The following ARSB variants were observed in gnomAD, a reference collection of about 807,000 sequenced individuals.
ARSB encodes the protein N-acetylgalactosamine-4-sulfatase.
In ARSB, 41 loss-of-function variants were observed where a neutral mutation model predicts 50.9. That is an observed-to-expected ratio of 0.81 (90% CI 0.63 to 1.04). The LOEUF (loss-of-function observed/expected upper bound fraction) is 1.04. ARSB is among the 50% of genes least tolerant of loss of function. The pLI, the probability that ARSB is intolerant of heterozygous loss-of-function variation, is 0.00. For missense variants in ARSB, 672 were observed against 693.3 expected, an observed-to-expected ratio of 0.97 and a Z score of 0.35; for synonymous variants, 269 against 284.8, an observed-to-expected ratio of 0.94 and a Z score of 0.56.
chr5:78,844,796 T>C (rs768015191), intron 5 of ARSB, among the ~76,000 whole-genome samples: 4 of 152,138 alleles, frequency 2.6e-5, no homozygotes, highest in African/African-American at 9.7e-5. Flanking sequence ...CTAGAGTATA[T>C]TTCAATATAT....
upstream of ARSB, chr5:78,985,643 C>G (rs1753155848): frequency 6.4e-6 from 1 of 157,204 alleles, no homozygotes; most frequent in African/African-American, 2.4e-5. Context: ...AAGCCTGCAA[C>G]AACTCTGACA....
chr5:78,804,383 A>C (rs1206287843), intron 6 of ARSB, among the ~76,000 whole-genome samples: 1 of 152,166 alleles, frequency 6.6e-6, no homozygotes, highest in East Asian at 1.9e-4. Context: ...TACTTGGTCA[A>C]TGTCATCACA....
At chr5:78,792,410 G>A (rs1322422665) in intron 6 of ARSB, among the ~76,000 whole-genome samples, 2 of 151,824 alleles carry the variant, frequency 1.3e-5, no homozygotes, top group Non-Finnish European at 2.9e-5. Flanking sequence ...CGCATTCAAG[G>A]CCATCCTGGG....
chr5:78,858,999 T>C (rs574150519), intron 5 of ARSB, among the ~76,000 whole-genome samples: 4 of 152,336 alleles, frequency 2.6e-5, no homozygotes, highest in East Asian at 1.9e-4. Flanking sequence ...AAGTAATTAA[T>C]GGAGGAGACA....
At chr5:78,860,589 C>T (rs55831507) in intron 5 of ARSB, among the ~76,000 whole-genome samples, 19,321 of 152,138 alleles carry the variant, frequency 0.13, 1,424 homozygotes, top group Middle Eastern at 0.21. Flanking sequence ...CATACCAGAA[C>T]CTCTGGGACA....
At chr5:78,974,651 T>C (rs949696706) in intron 1 of ARSB, among the ~76,000 whole-genome samples, 5 of 152,262 alleles carry the variant, frequency 3.3e-5, no homozygotes, top group Non-Finnish European at 7.3e-5. Context: ...ACTGGTCATA[T>C]TCCACTTAGC....
chr5:78,869,069 C>G (rs1349390497), intron 5 of ARSB, among the ~76,000 whole-genome samples: 2 of 149,664 alleles, frequency 1.3e-5, no homozygotes, highest in African/African-American at 5.0e-5. Flanking sequence ...ACAAAGAAGG[C>G]CATTACATAC....
intron 4 of ARSB, among the ~76,000 whole-genome samples, chr5:78,942,752 T>C (rs918865049): frequency 6.6e-6 from 1 of 152,216 alleles, no homozygotes; most frequent in African/African-American, 2.4e-5. Context: ...AGAATGTATA[T>C]TCTGTTGATT....
chr5:78,943,149 C>T (rs1002472471), intron 4 of ARSB, among the ~76,000 whole-genome samples: 1 of 152,170 alleles, frequency 6.6e-6, no homozygotes, highest in African/African-American at 2.4e-5. Flanking sequence ...CTTCCTCCAT[C>T]CCTTTATTTT....
At chr5:78,817,142 G>C (rs1744022289) in intron 6 of ARSB, 2 of 984,366 alleles carry the variant, frequency 2.0e-6, no homozygotes, top group Non-Finnish European at 2.4e-6. Context: ...TACTGGGAGA[G>C]ATAAAGAATG....
chr5:78,971,142 C>G (rs1752437472), intron 1 of ARSB, among the ~76,000 whole-genome samples: 1 of 152,218 alleles, frequency 6.6e-6, no homozygotes, highest in Non-Finnish European at 1.5e-5. Context: ...AAAGGCCCGC[C>G]CAGAACCCAG....
intron 3 of ARSB, among the ~76,000 whole-genome samples, chr5:78,956,218 CATAG>C (rs1480384481): frequency 6.6e-6 from 1 of 152,162 alleles, no homozygotes; most frequent in East Asian, 1.9e-4. Context: ...CATACTACAA[CATAG>C]ATAAACCTTG....
intron 5 of ARSB, among the ~76,000 whole-genome samples, chr5:78,843,412 A>T (rs141772777): frequency 6.6e-6 from 1 of 152,302 alleles, no homozygotes; most frequent in East Asian, 1.9e-4. Context: ...AAACATAATG[A>T]TTCTCAACCT....
chr5:78,864,186 T>C (rs144497224), intron 5 of ARSB, among the ~76,000 whole-genome samples: 309 of 152,036 alleles, frequency 2.0e-3, no homozygotes, highest in African/African-American at 7.1e-3. Context: ...GAGGAGTGTA[T>C]TAGTCCGTTT....
intron 4 of ARSB, among the ~76,000 whole-genome samples, chr5:78,895,576 A>C (rs1186164314): frequency 2.6e-5 from 4 of 152,230 alleles, no homozygotes; most frequent in African/African-American, 7.2e-5. Flanking sequence ...AAGCACATGA[A>C]AACTTTCACT....
chr5:78,839,263 A>G, intron 6 of ARSB, 93 bp downstream of exon 6: 1 of 1,275,738 alleles, frequency 7.8e-7, no homozygotes, highest in Non-Finnish European at 1.1e-6. Context: ...AACTCAGGAA[A>G]AAAGAGAAAG....
chr5:78,953,517 G>T (rs144754142), intron 4 of ARSB, among the ~76,000 whole-genome samples: 2 of 152,124 alleles, frequency 1.3e-5, no homozygotes, highest in Non-Finnish European at 2.9e-5. Context: ...CAAATGCCAC[G>T]TTCAATAACT....
At chr5:78,877,793 G>A (rs951364028) in intron 5 of ARSB, among the ~76,000 whole-genome samples, 21 of 152,124 alleles carry the variant, frequency 1.4e-4, no homozygotes, top group South Asian at 1.2e-3. Flanking sequence ...AAATATGACC[G>A]GTATAATGAG....
chr5:78,869,237 A>G lies in ARSB; in HGVS notation c.1142+16347T>C, dbSNP rs1233268862. Among the ~76,000 whole-genome samples the G allele has an allele frequency of 1.9e-5, 2 of 103,968 alleles. 1 individual carries two copies. The highest frequency in any genetic ancestry group is 7.7e-5 in the African/African-American group (2 of 26,106). The allele number at this position is 103,968 out of a possible 152,430, so 68.2% of individuals were successfully genotyped here. On this transcript the variant is annotated intron_variant, in intron 5 of 7. Transcript: ENST00000264914. ...TGGGAGACTTCAATACCCCACTGTC[A>G]ACATTAGACAGATCAACGAGACAGA...
Sources: gnomAD v4.1 joint callset for allele counts (sites outside exome capture counted in the v4.1 genomes callset) on GRCh38, gnomAD v4.1.1 for gene constraint, MANE v1.5 for transcripts, NCBI Gene and HGNC (gene_info 2026-07-23, HGNC 2026-07-21) for gene names.